The following INO80C variants were observed in gnomAD, a reference collection of about 807,000 sequenced individuals.
The protein encoded by INO80C is IES6 homolog.
INO80C carries 17 observed loss-of-function variants against 17.7 expected under a neutral mutation model. That is an observed-to-expected ratio of 0.96 (90% CI 0.66 to 1.44). The LOEUF (loss-of-function observed/expected upper bound fraction) is 1.44, where lower values mean the gene tolerates loss of function less well. Ranked by LOEUF, INO80C falls within the 40% of genes most tolerant of loss-of-function variation. The pLI is 0.00. For synonymous variants in INO80C, 96 were observed against 95.8 expected (o/e 1.00, Z -0.01); for missense variants, 244 against 245.0 (o/e 1.00, Z 0.03).
chr18:35,484,069 G>A lies in INO80C; in HGVS notation c.157-3506C>T, dbSNP rs148905304. 3.3e-3 allele frequency among the ~76,000 whole-genome samples: 508 copies of A among 152,262 alleles called. 4 individuals carry two copies. The highest frequency in any genetic ancestry group is 0.011 in the African/African-American group (475 of 41,548). The stretch of plus-strand genomic sequence containing the variant: ...AGGGAGAAATAACCTGAGTAACTAT[G>A]AATATGGTATTTTGACTATGTAATC... On this transcript the variant is annotated intron_variant, in intron 1 of 4. Transcript: ENST00000334598.
At chr18:35,471,038 G>C (rs2045663705) in intron 4 of INO80C, among the ~76,000 whole-genome samples, 1 of 152,250 alleles carries the variant, frequency 6.6e-6, no homozygotes, top group African/African-American at 2.4e-5. Context: ...CTGAACACAG[G>C]TATGACCCTG....
rs2045778267 is a variant in INO80C at position 35,479,411 on chromosome 18, G to C, written c.268C>G (p.His90Asp). The change falls in exon 3 of 5, where the codon CAC becomes GAC. Residue 90 changes from histidine (H) to aspartate (D), a missense_variant and splice_region_variant. By Grantham distance (81) the His-to-Asp change is moderately conservative. Transcript: ENST00000334598. ...PLPFKDPNFV[H>D]SGHGGAVAGK... is the part of the protein sequence containing the mutation. ...GCTACTGCGCCACCGTGGCCAGAGT[G>C]CTTGAATTGAAGGCATGGATTAGAA... 6.2e-7 allele frequency: 1 copy of C among 1,606,972 alleles called. No homozygotes were observed. Among genetic ancestry groups the C allele is most frequent in the East Asian group, 2.2e-5 (1 of 44,832 alleles).
intron 1 of INO80C, among the ~76,000 whole-genome samples, chr18:35,485,248 C>T (rs958615897): frequency 6.6e-6 from 1 of 152,114 alleles, no homozygotes; most frequent in African/African-American, 2.4e-5. Flanking sequence ...ATGATAGGGG[C>T]AAACTAAAGG....
intron 4 of INO80C, among the ~76,000 whole-genome samples, chr18:35,477,310 G>A (rs1267138839): frequency 6.6e-6 from 1 of 152,084 alleles, no homozygotes; most frequent in Non-Finnish European, 1.5e-5. Context: ...CTGGGGTAAC[G>A]ATATTAATTT....
intron 4 of INO80C, among the ~76,000 whole-genome samples, chr18:35,469,197 C>G (rs1449597214): frequency 1.3e-5 from 2 of 152,238 alleles, no homozygotes; most frequent in African/African-American, 4.8e-5. Flanking sequence ...TCCAACACCC[C>G]CTGCGCCACT....
chr18:35,479,087 C>T, intron 3 of INO80C: 1 of 434,568 alleles, frequency 2.3e-6, no homozygotes, highest in Non-Finnish European at 4.1e-6. Context: ...CCCTAAAAAC[C>T]ACACATCCAT....
chr18:35,491,610 C>A lies in INO80C; in HGVS notation c.156+6109G>T, dbSNP rs760005991. Reference sequence around the variant, plus strand: ...CTGGTTTTATGCTTCACTTTCCTCTCCCCCGACCCCCACATTACTACACCC... The same window carrying A: ...CTGGTTTTATGCTTCACTTTCCTCTACCCCGACCCCCACATTACTACACCC... On this transcript the variant is annotated intron_variant, in intron 1 of 4. Transcript: ENST00000334598. Among the ~76,000 whole-genome samples, 153 of 152,106 alleles carry A rather than the reference C, an allele frequency of 1.0e-3. 5 individuals carry two copies. The highest frequency in any genetic ancestry group is 2.8e-4 in the Non-Finnish European group (19 of 68,028).
At chr18:35,478,248 C>G (rs1207470925) in intron 4 of INO80C, 34 bp downstream of exon 4, 4 of 1,431,764 alleles carry the variant, frequency 2.8e-6, no homozygotes, top group Non-Finnish European at 3.9e-6. Context: ...AAATCTTTTC[C>G]ATTTAATGTT....
chr18:35,473,355 G>T (rs890216628), intron 4 of INO80C, among the ~76,000 whole-genome samples: 1 of 152,218 alleles, frequency 6.6e-6, no homozygotes, highest in Non-Finnish European at 1.5e-5. Flanking sequence ...CACAAGGTAA[G>T]TTCCAGGATC....
At chr18:35,472,687 A>G (rs1224590407) in intron 4 of INO80C, among the ~76,000 whole-genome samples, 2 of 152,204 alleles carry the variant, frequency 1.3e-5, no homozygotes, top group African/African-American at 4.8e-5. Flanking sequence ...CCTCCAAAGA[A>G]GCAGTACCAG....
intron 1 of INO80C, among the ~76,000 whole-genome samples, chr18:35,495,150 C>T (rs936527472): frequency 2.6e-5 from 4 of 152,190 alleles, no homozygotes; most frequent in African/African-American, 7.2e-5. Context: ...CTAAGACAAC[C>T]GGGCACAGTG....
At chr18:35,476,317 A>T (rs953916286) in intron 4 of INO80C, among the ~76,000 whole-genome samples, 2 of 152,234 alleles carry the variant, frequency 1.3e-5, no homozygotes, top group Non-Finnish European at 2.9e-5. Context: ...GTCTAACGAG[A>T]CAGGATGACT....
intron 1 of INO80C, among the ~76,000 whole-genome samples, chr18:35,494,299 G>A (rs970534950): frequency 9.2e-5 from 14 of 152,130 alleles, no homozygotes; most frequent in Middle Eastern, 3.2e-3. Context: ...CAATTTCTCC[G>A]AGTTATTCAA....
chr18:35,480,657 G>A lies in INO80C; in HGVS notation c.157-94C>T. ...AACAGGGCATACGATGATGCCACAG[G>A]GCATGCAAGGGAAGACAGTATGCCC... On this transcript the variant is annotated intron_variant, in intron 1 of 4. Transcript: ENST00000334598. 4.3e-6 allele frequency: 4 copies of A among 936,962 alleles called. No homozygotes were observed. In the Admixed American group the frequency reaches 5.6e-5, roughly 13 times the overall value. The allele number at this position is 936,962 out of a possible 1,614,324, so 58.0% of individuals were successfully genotyped here. A position where few individuals can be genotyped will look rare whatever the true frequency, so the allele number is the denominator to read the frequency against.
intron 1 of INO80C, chr18:35,483,325 T>G (rs1458871901): frequency 6.6e-6 from 1 of 152,224 alleles, no homozygotes; most frequent in African/African-American, 2.4e-5. Context: ...GAACATTACC[T>G]TGTGCAGTTT....
chr18:35,488,597 A>G (rs1234921873), intron 1 of INO80C, among the ~76,000 whole-genome samples: 2 of 151,902 alleles, frequency 1.3e-5, no homozygotes, highest in African/African-American at 2.4e-5. Context: ...TTTTTTTCCC[A>G]CTAGGCACTG....
At chr18:35,491,228 G>A (rs2045929770) in intron 1 of INO80C, among the ~76,000 whole-genome samples, 1 of 152,212 alleles carries the variant, frequency 6.6e-6, no homozygotes, top group South Asian at 2.1e-4. Flanking sequence ...GCCAGACAGG[G>A]GCCCTCGTTA....
chr18:35,468,727 G>A lies in INO80C; in HGVS notation c.463C>T (p.Pro155Ser), dbSNP rs1270590171. Residue 155 changes from proline to serine, a missense_variant, in exon 5 of 5, where the codon CCC becomes TCC. Coordinates refer to ENST00000334598, the MANE Select transcript of INO80C (RefSeq NM_194281.4). ...VSGLLANYTDPQSKLRFSTIE... is the reference protein window; with the variant it reads ...VSGLLANYTDSQSKLRFSTIE... ...GTGCTGAACCGCAGTTTGCTCTGGGGGTCTGTGTAGTTGGCCTGGGTGAAA... is the reference window on the plus strand; with the variant it reads ...GTGCTGAACCGCAGTTTGCTCTGGGAGTCTGTGTAGTTGGCCTGGGTGAAA... 1 of 1,614,126 alleles carries A rather than the reference G, an allele frequency of 6.2e-7. No homozygotes were observed. Among genetic ancestry groups the A allele is most frequent in the Non-Finnish European group, 8.5e-7 (1 of 1,180,004 alleles).
chr18:35,480,587 T>C, intron 1 of INO80C, 24 bp from the exon 2 acceptor site: 1 of 1,556,468 alleles, frequency 6.4e-7, no homozygotes, highest in Non-Finnish European at 8.9e-7. Flanking sequence ...AAAAATAGTT[T>C]GAAGAAGTCA....
Sources: allele counts gnomAD v4.1 joint callset (sites outside exome capture counted in the v4.1 genomes callset), GRCh38; gene constraint gnomAD v4.1.1; transcripts MANE v1.5; gene names NCBI Gene and HGNC (gene_info 2026-07-23, HGNC 2026-07-21).